The following HIVEP1 variants were observed in gnomAD, a reference collection of about 807,000 sequenced individuals.
The protein encoded by HIVEP1 is HIVEP zinc finger 1.
Under a neutral mutation model 180.0 loss-of-function variants are expected in HIVEP1, and 36 were observed. The observed-to-expected ratio is 0.20, with a 90% CI of 0.15 to 0.26. The LOEUF (loss-of-function observed/expected upper bound fraction) is 0.26. HIVEP1 is among the 10% of genes least tolerant of loss of function. The pLI, the probability that HIVEP1 is intolerant of heterozygous loss-of-function variation, is 1.00. For missense variants in HIVEP1, 3,143 were observed against 3,268.7 expected (o/e 0.96, Z 0.94); for synonymous variants, 1,239 against 1,239.0 (o/e 1.00, Z 0.00).
At chr6:12,155,598 T>C (rs1209170155) in intron 7 of HIVEP1, among the ~76,000 whole-genome samples, 1 of 152,250 alleles carries the variant, frequency 6.6e-6, no homozygotes, top group Non-Finnish European at 1.5e-5. Flanking sequence ...CTCATTCTTT[T>C]TGATGACTGC....
intron 3 of HIVEP1, among the ~76,000 whole-genome samples, chr6:12,092,450 T>C (rs909287985): frequency 6.6e-6 from 1 of 152,194 alleles, no homozygotes; most frequent in Admixed American, 6.5e-5. Context: ...CCCATTCTTC[T>C]GTTGATATTT....
intron 3 of HIVEP1, among the ~76,000 whole-genome samples, chr6:12,105,395 C>T (rs1174905546): frequency 1.3e-5 from 2 of 152,186 alleles, no homozygotes; most frequent in African/African-American, 4.8e-5. Context: ...GACAAACCCT[C>T]CCTAATCAAA....
chr6:12,020,602 T>C (rs573180746), intron 2 of HIVEP1, among the ~76,000 whole-genome samples: 5 of 152,302 alleles, frequency 3.3e-5, no homozygotes. Flanking sequence ...AAGGGCTCTA[T>C]TCGTGTTTTG....
chr6:12,183,523 G>C, the HIVEP1 span, among the ~76,000 whole-genome samples: 2 of 152,186 alleles, frequency 1.3e-5, no homozygotes, highest in Admixed American at 6.6e-5. Flanking sequence ...TAGATGAGAA[G>C]TTTAACTGAG....
chr6:12,171,984 C>T, the HIVEP1 span, among the ~76,000 whole-genome samples: 3 of 152,146 alleles, frequency 2.0e-5, no homozygotes, highest in Non-Finnish European at 4.4e-5. Flanking sequence ...AGAGCTCGGA[C>T]TCTGACAACT....
intron 7 of HIVEP1, among the ~76,000 whole-genome samples, chr6:12,153,576 A>G (rs948306779): frequency 2.8e-4 from 35 of 125,948 alleles, no homozygotes; most frequent in African/African-American, 1.0e-3. Context: ...AAATGCAAAA[A>G]AAAAAAAAAA....
At chr6:12,193,284 C>T in the HIVEP1 span, among the ~76,000 whole-genome samples, 1 of 152,064 alleles carries the variant, frequency 6.6e-6, no homozygotes, top group East Asian at 1.9e-4. Flanking sequence ...AGGTTGTTTT[C>T]ACTTTTTGCT....
chr6:12,037,989 A>C (rs1208449810), intron 2 of HIVEP1: 1 of 382,900 alleles, frequency 2.6e-6, no homozygotes, highest in African/African-American at 2.1e-5. Flanking sequence ...CACTGAGATT[A>C]CAGGCATGAG....
intron 3 of HIVEP1, among the ~76,000 whole-genome samples, chr6:12,109,230 T>C (rs866202968): frequency 2.6e-5 from 4 of 152,232 alleles, no homozygotes; most frequent in Middle Eastern, 3.4e-3. Flanking sequence ...CCTGACCTCG[T>C]GTTCCGCCCG....
At chr6:12,129,030 G>A (rs1164292440) in intron 4 of HIVEP1, among the ~76,000 whole-genome samples, 3 of 151,970 alleles carry the variant, frequency 2.0e-5, no homozygotes, top group Non-Finnish European at 4.4e-5. Context: ...GTGCAACAGA[G>A]CAAGACCCCC....
intron 3 of HIVEP1, among the ~76,000 whole-genome samples, chr6:12,096,099 C>T (rs1413541918): frequency 1.1e-4 from 17 of 152,110 alleles, no homozygotes; most frequent in Non-Finnish European, 5.9e-5. Context: ...TTGCCACTAT[C>T]ATTACCAGTA....
chr6:12,135,865 A>G lies in HIVEP1; in HGVS notation c.6460A>G (p.Ile2154Val), dbSNP rs1465441373. The G allele has an allele frequency of 1.2e-6, 2 of 1,607,338 alleles. No homozygotes were observed. The highest frequency in any genetic ancestry group is 1.7e-5 in the Admixed American group (1 of 60,010). The change falls in exon 7 of 9, where the codon ATA (isoleucine) becomes GTA (valine). Residue 2154 changes from isoleucine (I) to valine (V), a missense_variant. This residue lies in a region of HIVEP1 where 126 missense variants were observed against 168.5 expected (regional missense o/e 0.75). Transcript: ENST00000379388. Reference protein sequence around the residue: ...CVDLGVSVGLIDEQDTEESDE... With the variant: ...CVDLGVSVGLVDEQDTEESDE... ...GGATTTAGGCGTCTCAGTAGGTTTA[A>G]TAGATGAACAGGATACAGAAGAATC...
intron 7 of HIVEP1, among the ~76,000 whole-genome samples, chr6:12,144,698 A>G (rs1759261360): frequency 6.6e-6 from 1 of 152,240 alleles, no homozygotes; most frequent in South Asian, 2.1e-4. Context: ...ACCCCATCCA[A>G]AAGTGGGCAA....
Position 12,123,266 on chromosome 6 carries a change from C to T in HIVEP1, c.3471C>T (p.Ala1157=), listed in dbSNP as rs1396102218. Residue 1157 remains alanine (A), a synonymous_variant, in exon 4 of 9, where the codon GCC becomes GCT. Transcript: ENST00000379388. ...SFDKPEPFER[A]SPVSFQELNR... is the part of the protein sequence containing the mutation. ...ACAAGCCTGAGCCTTTTGAAAGAGCCTCCCCAGTTTCTTTCCAGGAGCTGA... is the reference window on the plus strand; with the variant it reads ...ACAAGCCTGAGCCTTTTGAAAGAGCTTCCCCAGTTTCTTTCCAGGAGCTGA... 2 of 1,614,196 alleles carry T rather than the reference C, an allele frequency of 1.2e-6. No individual in the cohort carries two copies. The highest frequency in any genetic ancestry group is 2.2e-5 in the South Asian group (2 of 91,082).
At chr6:12,098,447 C>A (rs1290786472) in intron 3 of HIVEP1, among the ~76,000 whole-genome samples, 3 of 152,078 alleles carry the variant, frequency 2.0e-5, no homozygotes, top group African/African-American at 7.2e-5. Flanking sequence ...GACTTCATGC[C>A]ATATATCTGA....
downstream of HIVEP1, among the ~76,000 whole-genome samples, chr6:12,168,502 A>G (rs544045393): frequency 1.8e-4 from 27 of 151,230 alleles, no homozygotes; most frequent in South Asian, 5.0e-3. Context: ...GTTTTTCTAT[A>G]CAAATTATAT....
At chr6:12,093,760 A>G (rs2113355060) in intron 3 of HIVEP1, among the ~76,000 whole-genome samples, 1 of 152,178 alleles carries the variant, frequency 6.6e-6, no homozygotes, top group Non-Finnish European at 1.5e-5. Context: ...TTAATATCAC[A>G]GTATGTTAAT....
intron 3 of HIVEP1, among the ~76,000 whole-genome samples, chr6:12,098,034 A>G (rs572322268): frequency 6.6e-6 from 1 of 152,334 alleles, no homozygotes; most frequent in South Asian, 2.1e-4. Flanking sequence ...GCATACTTAT[A>G]GCATATTTCA....
chr6:12,134,236 C>G (rs952155355), intron 6 of HIVEP1, among the ~76,000 whole-genome samples: 1 of 152,050 alleles, frequency 6.6e-6, no homozygotes, highest in Non-Finnish European at 1.5e-5. Context: ...ATATTTTTTT[C>G]AGTATATTTA....
Sources: gnomAD v4.1 joint callset for allele counts (sites outside exome capture counted in the v4.1 genomes callset) on GRCh38, gnomAD v4.1.1 for gene constraint, gnomAD v4.1.1 regional missense constraint, MANE v1.5 for transcripts, NCBI Gene and HGNC (gene_info 2026-07-23, HGNC 2026-07-21) for gene names.